Variants in PTPRN2 observed in about 807,000 individuals in gnomAD.
PTPRN2 encodes the protein protein tyrosine phosphatase receptor type N2.
PTPRN2 carries 74 observed loss-of-function variants against 118.8 expected under a neutral mutation model. The ratio of observed to expected loss-of-function variants is 0.62; its 90% confidence interval spans 0.52 to 0.76. The LOEUF is 0.76. PTPRN2 is among the 30% of genes least tolerant of loss of function. The probability of loss-of-function intolerance (pLI) is 0.00; values close to 1 mark genes in which losing one functional copy is unlikely to be tolerated. For synonymous variants in PTPRN2, 641 were observed against 608.0 expected (o/e 1.05, Z -0.80); for missense variants, 1,481 against 1,394.4 (o/e 1.06, Z -0.99).
intron 10 of PTPRN2, among the ~76,000 whole-genome samples, chr7:158,085,527 C>T (rs1813289939): frequency 7.3e-6 from 1 of 137,472 alleles, no homozygotes; most frequent in African/African-American, 2.8e-5. Flanking sequence ...ACACAGATGC[C>T]CATCCACACC....
chr7:158,315,555 C>T (rs1802249093), intron 3 of PTPRN2, among the ~76,000 whole-genome samples: 1 of 151,102 alleles, frequency 6.6e-6, no homozygotes, highest in Admixed American at 6.6e-5. Flanking sequence ...CCCGGGACCC[C>T]TGAAGAACAG....
rs141048819 is a variant in PTPRN2 at position 158,109,252 on chromosome 7, A to G, written c.1643+1577T>C. 3.1e-3 allele frequency among the ~76,000 whole-genome samples: 468 copies of G among 149,068 alleles called. 5 individuals carry two copies. Among genetic ancestry groups the G allele is most frequent in the African/African-American group, 0.011 (448 of 40,002 alleles). On this transcript the variant is annotated intron_variant, in intron 10 of 22. Transcript: ENST00000389418. ...TCACCCCTGTGTGAAGGAGCCAGTG[A>G]GTGAATGACATAACTCCTGAGTGAA...
At chr7:158,265,509 G>C (rs1797813509) in intron 3 of PTPRN2, among the ~76,000 whole-genome samples, 2 of 152,100 alleles carry the variant, frequency 1.3e-5, no homozygotes, top group African/African-American at 4.8e-5. Flanking sequence ...ACCCACAGGT[G>C]CATATATCCC....
At chr7:157,945,021 C>G (rs1800381287) in intron 11 of PTPRN2, among the ~76,000 whole-genome samples, 1 of 152,224 alleles carries the variant, frequency 6.6e-6, no homozygotes, top group South Asian at 2.1e-4. Context: ...AGCTGGAGCA[C>G]TCTGCCTCTC....
At chr7:158,084,313 G>A (rs577736506) in intron 10 of PTPRN2, among the ~76,000 whole-genome samples, 36 of 151,014 alleles carry the variant, frequency 2.4e-4, no homozygotes, top group African/African-American at 7.3e-4. Context: ...TGCTGTGCAG[G>A]TGGCAGATGG....
At chr7:158,168,115 A>T (rs1823195962) in intron 5 of PTPRN2, among the ~76,000 whole-genome samples, 1 of 152,248 alleles carries the variant, frequency 6.6e-6, no homozygotes. Context: ...CCAGTAATGG[A>T]TGCAGATGCC....
chr7:157,720,801 G>A (rs938073640), intron 12 of PTPRN2, among the ~76,000 whole-genome samples: 7 of 152,208 alleles, frequency 4.6e-5, no homozygotes, highest in African/African-American at 1.2e-4. Flanking sequence ...TGGCAAAGCC[G>A]AGACCCTCAT....
At chr7:158,343,451 C>A (rs2151243771) in intron 2 of PTPRN2, among the ~76,000 whole-genome samples, 1 of 152,312 alleles carries the variant, frequency 6.6e-6, no homozygotes, top group Admixed American at 6.5e-5. Flanking sequence ...GGGCCCTGTG[C>A]TCCGCGGGCA....
At chr7:158,057,321 T>G (rs868712739) in intron 11 of PTPRN2, among the ~76,000 whole-genome samples, 1 of 152,316 alleles carries the variant, frequency 6.6e-6, no homozygotes, top group South Asian at 2.1e-4. Context: ...CAGCCTCCCA[T>G]GACTGTTCTG....
At chr7:157,718,800 C>G (rs1162337778) in intron 12 of PTPRN2, among the ~76,000 whole-genome samples, 2 of 152,208 alleles carry the variant, frequency 1.3e-5, no homozygotes, top group Non-Finnish European at 2.9e-5. Context: ...GGTGACACTG[C>G]AGCCACTCTT....
At chr7:158,075,363 A>G (rs1308372377) in intron 11 of PTPRN2, among the ~76,000 whole-genome samples, 2 of 152,068 alleles carry the variant, frequency 1.3e-5, no homozygotes, top group South Asian at 2.1e-4. Flanking sequence ...GTCCTTACCA[A>G]TGTTCCTGTC....
At chr7:157,936,516 C>T (rs535712166) in intron 11 of PTPRN2, among the ~76,000 whole-genome samples, 2 of 152,202 alleles carry the variant, frequency 1.3e-5, no homozygotes, top group East Asian at 1.9e-4. Context: ...CCTGTTCTCC[C>T]GAGCACCACT....
At chr7:157,796,779 G>C (rs1157106137) in intron 12 of PTPRN2, among the ~76,000 whole-genome samples, 1 of 152,134 alleles carries the variant, frequency 6.6e-6, no homozygotes, top group Non-Finnish European at 1.5e-5. Flanking sequence ...CGCAAGGTGG[G>C]AGGGGCTACC....
At chr7:157,695,204 A>T (rs1482392377) in intron 12 of PTPRN2, among the ~76,000 whole-genome samples, 1 of 152,086 alleles carries the variant, frequency 6.6e-6, no homozygotes, top group African/African-American at 2.4e-5. Context: ...ATTATCAAAG[A>T]AAATGTATTT....
chr7:158,239,269 A>G (rs1165235546), intron 3 of PTPRN2, among the ~76,000 whole-genome samples: 2 of 152,160 alleles, frequency 1.3e-5, no homozygotes. Context: ...CTGTGCAGGG[A>G]AGAGTCAGCA....
At chr7:157,755,564 G>T (rs1189315379) in intron 12 of PTPRN2, among the ~76,000 whole-genome samples, 1 of 152,156 alleles carries the variant, frequency 6.6e-6, no homozygotes, top group East Asian at 1.9e-4. Context: ...ATGAAATCAT[G>T]TCTTTTGCAG....
At chr7:157,573,449 C>G (rs765747949) in intron 19 of PTPRN2, among the ~76,000 whole-genome samples, 4 of 152,254 alleles carry the variant, frequency 2.6e-5, no homozygotes, top group Non-Finnish European at 4.4e-5. Flanking sequence ...TACGCAGAGA[C>G]TAAGCTCAGC....
intron 2 of PTPRN2, among the ~76,000 whole-genome samples, chr7:158,345,700 T>C (rs1807460445): frequency 6.6e-6 from 1 of 152,232 alleles, no homozygotes; most frequent in Non-Finnish European, 1.5e-5. Context: ...TGTATATATA[T>C]ATGGGTGTCC....
intron 11 of PTPRN2, among the ~76,000 whole-genome samples, chr7:157,972,812 GACCGCAGAA>G (rs1191627825): frequency 1.5e-5 from 2 of 137,592 alleles, no homozygotes; most frequent in African/African-American, 5.5e-5. Context: ...GGGCTTCAGA[GACCGCAGAA>G]ACTCCACACC....
Sources: allele counts gnomAD v4.1 joint callset (sites outside exome capture counted in the v4.1 genomes callset), GRCh38; gene constraint gnomAD v4.1.1; transcripts MANE v1.5; gene names NCBI Gene and HGNC (gene_info 2026-07-23, HGNC 2026-07-21).